Variants in HPD observed in about 807,000 individuals in gnomAD.
HPD encodes 4-hydroxyphenylpyruvic acid oxidase.
Under a neutral mutation model 56.9 loss-of-function variants are expected in HPD, and 35 were observed. The observed-to-expected ratio is 0.62, with a 90% CI of 0.47 to 0.82. The LOEUF is 0.82. HPD is among the 40% of genes least tolerant of loss of function. HPD has a pLI of 0.00. For synonymous variants in HPD, 186 were observed against 200.2 expected (o/e 0.93, Z 0.60); for missense variants, 442 against 506.8 (o/e 0.87, Z 1.23).
the HPD span, among the ~76,000 whole-genome samples, chr12:121,875,680 C>T: frequency 2.0e-5 from 3 of 152,092 alleles, no homozygotes; most frequent in African/African-American, 4.8e-5. Context: ...CCCACTTCGG[C>T]GTCCCAAAGT....
chr12:121,861,616 A>ATG (rs1878175639), upstream of HPD, among the ~76,000 whole-genome samples: 2 of 152,210 alleles, frequency 1.3e-5, no homozygotes, highest in Non-Finnish European at 2.9e-5. Context: ...AACATGAAAA[A>ATG]GAGGCAATCT....
chr12:121,867,449 G>A (rs1443589381), upstream of HPD, among the ~76,000 whole-genome samples: 1 of 151,142 alleles, frequency 6.6e-6, no homozygotes, highest in Non-Finnish European at 1.5e-5. Context: ...TTTTAGACAA[G>A]GTCTCACTCA....
chr12:121,844,216 T>C (rs1471167278), intron 11 of HPD, among the ~76,000 whole-genome samples: 3 of 151,944 alleles, frequency 2.0e-5, no homozygotes, highest in Non-Finnish European at 4.4e-5. Flanking sequence ...CACTCAGCTA[T>C]GTATTTTTAG....
At chr12:121,870,245 A>G in the HPD span, among the ~76,000 whole-genome samples, 1 of 152,162 alleles carries the variant, frequency 6.6e-6, no homozygotes, top group South Asian at 2.1e-4. Context: ...TTTATGTGCC[A>G]GGCACTGTAC....
intron 2 of HPD, 78 bp from the exon 3 acceptor site, chr12:121,857,897 G>T: frequency 1.9e-6 from 2 of 1,059,758 alleles, no homozygotes; most frequent in Non-Finnish European, 2.9e-6. Flanking sequence ...ATGTCCCCTA[G>T]CCACCCTCCT....
the HPD span, among the ~76,000 whole-genome samples, chr12:121,886,889 TTTTAAC>T: frequency 6.6e-6 from 1 of 152,112 alleles, no homozygotes; most frequent in African/African-American, 2.4e-5. Flanking sequence ...CTTCCTCCCT[TTTTAAC>T]TTTATTATTT....
chr12:121,887,003 G>A, the HPD span, among the ~76,000 whole-genome samples: 5 of 152,260 alleles, frequency 3.3e-5, no homozygotes, highest in East Asian at 1.9e-4. Context: ...CGGTTCAAGC[G>A]ATTCTCCTGC....
chr12:121,856,186 C>A (rs1202853545), intron 6 of HPD, 138 bp downstream of exon 6: 8 of 743,674 alleles, frequency 1.1e-5, no homozygotes, highest in Admixed American at 2.0e-5. Context: ...CACTGTGATG[C>A]AGCATCTGAG....
At chr12:121,866,524 A>AT (rs1878333986), upstream of HPD, among the ~76,000 whole-genome samples, 1 of 151,974 alleles carries the variant, frequency 6.6e-6, no homozygotes. Context: ...GTTCTCAGCC[A>AT]TTTGACGGAG....
intron 4 of HPD, chr12:121,857,044 T>C (rs1347418871): frequency 5.9e-6 from 3 of 509,298 alleles, no homozygotes; most frequent in Non-Finnish European, 1.1e-5. Flanking sequence ...AGCTGAATTA[T>C]ATGTTTTTGT....
At chr12:121,858,968 C>G (rs1406094063), upstream of HPD, 1 of 904,054 alleles carries the variant, frequency 1.1e-6, no homozygotes, top group Non-Finnish European at 1.8e-6. Flanking sequence ...TGGAAGGTTC[C>G]AGGCCTGGGG....
At chr12:121,864,410 G>A (rs148414897), upstream of HPD, among the ~76,000 whole-genome samples, 574 of 151,762 alleles carry the variant, frequency 3.8e-3, 4 homozygotes, top group Middle Eastern at 0.01. Flanking sequence ...AAAAGTAGCC[G>A]GCTATAGTGG....
At chr12:121,848,645 C>T (rs1300210591) in intron 9 of HPD, among the ~76,000 whole-genome samples, 1 of 151,998 alleles carries the variant, frequency 6.6e-6, no homozygotes, top group African/African-American at 2.4e-5. Flanking sequence ...GAGACAAAAT[C>T]TTGCTCTGTT....
chr12:121,854,976 G>A (rs1232286677), intron 6 of HPD, among the ~76,000 whole-genome samples, 184 bp from the exon 7 acceptor site: 2 of 152,136 alleles, frequency 1.3e-5, no homozygotes, highest in Admixed American at 6.6e-5. Flanking sequence ...GGCAAATAGG[G>A]AAACTGAGGC....
At chr12:121,877,774 G>A in the HPD span, among the ~76,000 whole-genome samples, 1 of 152,030 alleles carries the variant, frequency 6.6e-6, no homozygotes. Flanking sequence ...GGTGGGATTG[G>A]GGAAAGCTGC....
At chr12:121,881,119 T>G in the HPD span, among the ~76,000 whole-genome samples, 1 of 152,346 alleles carries the variant, frequency 6.6e-6, no homozygotes, top group East Asian at 1.9e-4. Flanking sequence ...AATTACTTTC[T>G]GCTCTGCTCC....
chr12:121,869,394 A>C, the HPD span, among the ~76,000 whole-genome samples: 1 of 149,334 alleles, frequency 6.7e-6, no homozygotes. Context: ...ATGGGGTCTC[A>C]CTATGTTGCC....
intron 7 of HPD, among the ~76,000 whole-genome samples, chr12:121,850,629 A>ACGTCCAGCCAATTTTGTATT (rs1566571271): frequency 6.8e-6 from 1 of 147,232 alleles, no homozygotes; most frequent in African/African-American, 2.5e-5. Flanking sequence ...GTGTACCACC[A>ACGTCCAGCCAATTTTGTATT]TGCCGGGCCC....
At chr12:121,850,295 C>T (rs1423100222) in intron 7 of HPD, among the ~76,000 whole-genome samples, 5 of 151,332 alleles carry the variant, frequency 3.3e-5, no homozygotes, top group African/African-American at 7.3e-5. Context: ...GGTGGCGTGG[C>T]GGGTGCCCGT....
Sources: gnomAD v4.1 joint callset for allele counts (sites outside exome capture counted in the v4.1 genomes callset) on GRCh38, gnomAD v4.1.1 for gene constraint, MANE v1.5 for transcripts, NCBI Gene and HGNC (gene_info 2026-07-23, HGNC 2026-07-21) for gene names.